The following FAM227B variants were observed in gnomAD, a reference collection of about 807,000 sequenced individuals.
The protein encoded by FAM227B is protein FAM227B.
In FAM227B, 88 loss-of-function variants were observed where a neutral mutation model predicts 73.8. The observed-to-expected ratio is 1.19, with a 90% confidence interval of 1.00 to 1.42. FAM227B has a LOEUF of 1.42. FAM227B is among the 40% of genes most tolerant of loss of function. The probability of loss-of-function intolerance (pLI) is 0.00; values close to 1 mark genes in which losing one functional copy is unlikely to be tolerated. For missense variants in FAM227B, 632 were observed against 590.9 expected (o/e 1.07, Z -0.72); for synonymous variants, 210 against 190.5 (o/e 1.10, Z -0.84).
chr15:49,335,410 T>G lies in FAM227B; in HGVS notation c.1349+9A>C. The G allele has an allele frequency of 6.4e-7, 1 of 1,569,630 alleles. No individual in the cohort carries two copies. Among genetic ancestry groups the G allele is most frequent in the South Asian group, 1.1e-5 (1 of 90,010 alleles). ...TTTTATATTTAACAATAGTATAGCATCAACTTACATCCTAAAATCCTTTTG... is the reference window on the plus strand; with the variant it reads ...TTTTATATTTAACAATAGTATAGCAGCAACTTACATCCTAAAATCCTTTTG... On this transcript the variant is annotated intron_variant, in intron 14 of 15. Transcript: ENST00000299338.
At chr15:49,455,029 G>C (rs540708960) in intron 11 of FAM227B, among the ~76,000 whole-genome samples, 1 of 152,168 alleles carries the variant, frequency 6.6e-6, no homozygotes, top group South Asian at 2.1e-4. Context: ...ACAGCAGTAT[G>C]ATTTAAAGTG....
At chr15:49,591,014 C>CTCTTTTT (rs1567655132) in intron 3 of FAM227B, among the ~76,000 whole-genome samples, 1 of 103,282 alleles carries the variant, frequency 9.7e-6, no homozygotes, top group African/African-American at 3.2e-5. Flanking sequence ...TTTTCTTTCT[C>CTCTTTTT]TTTCTCTTTT....
chr15:49,473,980 T>C (rs1159661221), intron 11 of FAM227B, among the ~76,000 whole-genome samples: 1 of 152,134 alleles, frequency 6.6e-6, no homozygotes, highest in African/African-American at 2.4e-5. Flanking sequence ...TTATATATAA[T>C]ACATATTTAA....
Position 49,391,675 on chromosome 15 carries a change from T to C in FAM227B, c.1013-20276A>G, listed in dbSNP as rs1332707980. Among the ~76,000 whole-genome samples, 6 of 152,198 alleles carry C rather than the reference T, an allele frequency of 3.9e-5. No homozygotes were observed. The East Asian group carries it at 9.6e-4, about 24-fold the overall frequency. ...ACAAAGCCTTGACTTCCTTAAGCAATTGCAAATCAAAGAATCTCTGAATCC... is the reference window on the plus strand; with the variant it reads ...ACAAAGCCTTGACTTCCTTAAGCAACTGCAAATCAAAGAATCTCTGAATCC... On this transcript the variant is annotated intron_variant, in intron 11 of 15. Transcript: ENST00000299338.
chr15:49,337,482 C>A (rs2039930355), intron 13 of FAM227B, among the ~76,000 whole-genome samples: 6 of 141,480 alleles, frequency 4.2e-5, no homozygotes, highest in African/African-American at 1.6e-4. Flanking sequence ...TGGACACTTG[C>A]AATGTCTGTT....
intron 11 of FAM227B, among the ~76,000 whole-genome samples, chr15:49,392,562 C>T (rs930124328): frequency 7.9e-5 from 12 of 152,040 alleles, no homozygotes; most frequent in African/African-American, 2.9e-4. Context: ...ATGAACAGAC[C>T]ACCCTGAGTG....
At chr15:49,385,617 G>C (rs1289167349) in intron 11 of FAM227B, among the ~76,000 whole-genome samples, 2 of 149,916 alleles carry the variant, frequency 1.3e-5, no homozygotes, top group Non-Finnish European at 3.0e-5. Flanking sequence ...AAAAAACTAG[G>C]TAATAACATG....
intron 11 of FAM227B, among the ~76,000 whole-genome samples, chr15:49,477,616 T>C (rs2055468834): frequency 6.6e-6 from 1 of 152,242 alleles, no homozygotes; most frequent in Non-Finnish European, 1.5e-5. Context: ...TTTTTGATGA[T>C]ACGAATAAAG....
chr15:49,353,958 T>A (rs1174115140), intron 13 of FAM227B: 4 of 152,160 alleles, frequency 2.6e-5, no homozygotes, highest in Non-Finnish European at 5.9e-5. Flanking sequence ...ATGGGAAAAA[T>A]GTGTGTTCAT....
chr15:49,616,499 T>G (rs911044090), intron 1 of FAM227B, among the ~76,000 whole-genome samples: 401 of 152,264 alleles, frequency 2.6e-3, no homozygotes, highest in Non-Finnish European at 4.0e-3. Flanking sequence ...ACTTAACTGA[T>G]GCTCTGTCTA....
Position 49,388,363 on chromosome 15 carries a change from C to A in FAM227B, c.1013-16964G>T, listed in dbSNP as rs182093877. Among the ~76,000 whole-genome samples the A allele has an allele frequency of 1.1e-3, 161 of 151,670 alleles. 3 individuals are homozygous for A. In the East Asian group the frequency reaches 0.03, roughly 28 times the overall value. ...GCCAACTGACCTTCAATAAAGTACA[C>A]AAAAATATAAGTTAGGGAATTGATA... On this transcript the variant is annotated intron_variant, in intron 11 of 15. Transcript: ENST00000299338.
chr15:49,550,816 G>C (rs541479080), intron 9 of FAM227B, among the ~76,000 whole-genome samples: 214 of 151,036 alleles, frequency 1.4e-3, no homozygotes, highest in African/African-American at 5.1e-3. Context: ...CCAGGCAGAG[G>C]GGCTCCTCAC....
At chr15:49,450,935 C>T (rs1245490355) in intron 11 of FAM227B, among the ~76,000 whole-genome samples, 1 of 152,078 alleles carries the variant, frequency 6.6e-6, no homozygotes, top group Non-Finnish European at 1.5e-5. Flanking sequence ...ATAGCTACAG[C>T]TAATCAACTC....
chr15:49,518,136 T>C (rs545615160), intron 10 of FAM227B, among the ~76,000 whole-genome samples: 3 of 152,222 alleles, frequency 2.0e-5, no homozygotes, highest in African/African-American at 4.8e-5. Flanking sequence ...CACATTTCTA[T>C]AGGGCATGTA....
chr15:49,615,245 T>G lies in FAM227B; in HGVS notation c.-72-2A>C. On this transcript the variant is annotated splice_acceptor_variant, in intron 1 of 15. Transcript: ENST00000299338. LOFTEE classifies it low-confidence loss of function (5UTR_SPLICE). ...TTCAATGTGAGTTGGGCGACCAAAC[T>G]GGGGTATGAAAGACACCCAAATGCA... 1 of 1,344,286 alleles carries G rather than the reference T, an allele frequency of 7.4e-7. No individual in the cohort carries two copies. The highest frequency in any genetic ancestry group is 1.1e-6 in the Non-Finnish European group (1 of 934,416). 83.3% of individuals were successfully genotyped at this position (1,344,286 alleles called of 1,614,324 possible).
chr15:49,470,374 C>A (rs1028502958), intron 11 of FAM227B, among the ~76,000 whole-genome samples: 1 of 152,024 alleles, frequency 6.6e-6, no homozygotes, highest in South Asian at 2.1e-4. Context: ...TACCAATAAG[C>A]AATTCTGTTG....
chr15:49,350,609 G>A (rs942937798), intron 13 of FAM227B, among the ~76,000 whole-genome samples: 1 of 152,070 alleles, frequency 6.6e-6, no homozygotes, highest in Non-Finnish European at 1.5e-5. Flanking sequence ...AAGAACAAAT[G>A]GTTCATCTCT....
At chr15:49,574,406 C>A (rs2075315128) in intron 8 of FAM227B, among the ~76,000 whole-genome samples, 1 of 152,060 alleles carries the variant, frequency 6.6e-6, no homozygotes, top group South Asian at 2.1e-4. Context: ...GTGGTTTCCC[C>A]CACGATGTTC....
chr15:49,575,163 A>C, intron 7 of FAM227B, 54 bp from the exon 8 acceptor site: 5 of 968,222 alleles, frequency 5.2e-6, no homozygotes, highest in African/African-American at 1.7e-5. Flanking sequence ...ATTACAAAAC[A>C]TGTTAATGTA....
Sources: allele counts gnomAD v4.1 joint callset (sites outside exome capture counted in the v4.1 genomes callset), GRCh38; gene constraint gnomAD v4.1.1; transcripts MANE v1.5; gene names NCBI Gene and HGNC (gene_info 2026-07-23, HGNC 2026-07-21).